The following CRISPLD2 variants were observed in gnomAD, a reference collection of about 807,000 sequenced individuals.
The protein encoded by CRISPLD2 is cysteine-rich secretory protein LCCL domain-containing 2.
A neutral mutation model predicts 71.1 loss-of-function variants in CRISPLD2; 47 were observed. That is an observed-to-expected ratio of 0.66 (90% CI 0.52 to 0.84). The LOEUF is 0.84. Ranked by LOEUF, CRISPLD2 falls within the 40% of genes least tolerant of loss-of-function variation. The probability of loss-of-function intolerance (pLI) is 0.00; values close to 1 mark genes in which losing one functional copy is unlikely to be tolerated. For synonymous variants in CRISPLD2, 317 were observed against 250.1 expected (o/e 1.27, Z -2.52); for missense variants, 830 against 651.1 (o/e 1.27, Z -2.99).
intron 14 of CRISPLD2, 27 bp downstream of exon 14, chr16:84,889,390 C>T (rs775193402): frequency 7.6e-6 from 12 of 1,587,480 alleles, no homozygotes; most frequent in Non-Finnish European, 2.6e-6. Context: ...CAACCCTTGA[C>T]ACCCAATCCC....
At chr16:84,842,957 A>G (rs1216750852) in intron 2 of CRISPLD2, among the ~76,000 whole-genome samples, 1 of 152,110 alleles carries the variant, frequency 6.6e-6, no homozygotes, top group Admixed American at 6.5e-5. Flanking sequence ...GGCTGGGTTC[A>G]TGCTGGTCTT....
At chr16:84,839,472 G>C (rs1371278320) in intron 2 of CRISPLD2, 1 of 161,616 alleles carries the variant, frequency 6.2e-6, no homozygotes, top group Non-Finnish European at 1.4e-5. Context: ...TGTGAGATAA[G>C]TCGAGGCTGT....
At position 84,850,483 on chromosome 16, in the gene CRISPLD2, C is replaced by T. The variant is rs1013203732; in HGVS notation, c.493-85C>T. On this transcript the variant is annotated intron_variant, in intron 4 of 14. Transcript: ENST00000262424. ...CCTTCACCTCGTACCTCTTTAGTGC[C>T]AGCACCTTATACATCCAGGCCAAAT... The T allele has an allele frequency of 1.1e-4, 114 of 1,070,226 alleles. 1 individual carries two copies. Among genetic ancestry groups the T allele is most frequent in the Middle Eastern group, 8.1e-4 (4 of 4,954 alleles). 66.3% of individuals were successfully genotyped at this position (1,070,226 alleles called of 1,614,324 possible). A position where few individuals can be genotyped will look rare whatever the true frequency, so the allele number is the denominator to read the frequency against.
intron 13 of CRISPLD2, among the ~76,000 whole-genome samples, chr16:84,884,732 G>C (rs528091231): frequency 2.8e-4 from 42 of 152,318 alleles, no homozygotes; most frequent in African/African-American, 8.9e-4. Context: ...CCATGGGTGT[G>C]AGCTTTTCGT....
chr16:84,838,887 C>T (rs375406200), intron 2 of CRISPLD2, 152 bp downstream of exon 2: 44 of 1,031,014 alleles, frequency 4.3e-5, no homozygotes, highest in South Asian at 3.1e-4. Context: ...CGGCTCTGTT[C>T]TGTTTTGTTT....
chr16:84,854,618 CT>C (rs1298083468), intron 5 of CRISPLD2, 110 bp from the exon 6 acceptor site: 24 of 774,534 alleles, frequency 3.1e-5, no homozygotes, highest in Middle Eastern at 3.2e-4. Flanking sequence ...ACCTTCCCCC[CT>C]GACCTGTCAG....
intron 14 of CRISPLD2, among the ~76,000 whole-genome samples, chr16:84,896,383 T>G (rs192980551): frequency 2.8e-4 from 43 of 151,990 alleles, no homozygotes; most frequent in African/African-American, 9.2e-4. Context: ...AGACTATATA[T>G]AGAGAGAGAC....
chr16:84,862,659 C>T (rs558967035), intron 6 of CRISPLD2, among the ~76,000 whole-genome samples: 39 of 141,716 alleles, frequency 2.8e-4, no homozygotes, highest in African/African-American at 9.3e-4. Flanking sequence ...TGACCATGCT[C>T]GTGTGGCCCA....
intron 14 of CRISPLD2, among the ~76,000 whole-genome samples, chr16:84,895,059 G>A (rs1481462796): frequency 6.6e-6 from 1 of 152,170 alleles, no homozygotes; most frequent in Non-Finnish European, 1.5e-5. Flanking sequence ...TAGCAGACAG[G>A]CAGGTTCCCC....
In CRISPLD2 at chr16:84,852,522, G is replaced by A. The variant is rs1194630027; in HGVS notation, c.608+1839G>A. Among the ~76,000 whole-genome samples, 3 of 152,330 alleles carry A rather than the reference G, an allele frequency of 2.0e-5. No homozygotes were observed. The East Asian group carries it at 5.8e-4, about 29-fold the overall frequency. Reference sequence around the variant, plus strand: ...TCCCCGTGGTGTTGCGTGATCACCGGTTCTTTCCTTTTGTCTGCTGCATAT... The same window carrying A: ...TCCCCGTGGTGTTGCGTGATCACCGATTCTTTCCTTTTGTCTGCTGCATAT... On this transcript the variant is annotated intron_variant, in intron 5 of 14. Coordinates refer to ENST00000262424, the MANE Select transcript of CRISPLD2 (RefSeq NM_031476.4).
At chr16:84,875,581 G>T (rs1034203858) in intron 11 of CRISPLD2, among the ~76,000 whole-genome samples, 18 of 151,056 alleles carry the variant, frequency 1.2e-4, no homozygotes, top group Admixed American at 1.1e-3. Flanking sequence ...TTTTGAGATG[G>T]AGTCTCTCTC....
chr16:84,848,600 C>G (rs1567686071), intron 3 of CRISPLD2, among the ~76,000 whole-genome samples: 1 of 152,068 alleles, frequency 6.6e-6, no homozygotes, highest in Admixed American at 6.5e-5. Flanking sequence ...ACCACCTCGC[C>G]CGGCTAATTT....
chr16:84,858,721 A>C (rs1007581840), intron 6 of CRISPLD2, among the ~76,000 whole-genome samples: 6 of 152,242 alleles, frequency 3.9e-5, no homozygotes, highest in Admixed American at 3.9e-4. Flanking sequence ...CCCTGAGCTT[A>C]GGACAATAAA....
intron 6 of CRISPLD2, among the ~76,000 whole-genome samples, chr16:84,864,520 G>A (rs894087975): frequency 3.9e-5 from 6 of 152,188 alleles, no homozygotes; most frequent in African/African-American, 1.4e-4. Flanking sequence ...GAACAGACAC[G>A]CGCCTGGGCA....
chr16:84,837,520 C>A (rs1398115523), intron 1 of CRISPLD2, among the ~76,000 whole-genome samples: 1 of 151,798 alleles, frequency 6.6e-6, no homozygotes, highest in Non-Finnish European at 1.5e-5. Context: ...GGGTTCACGC[C>A]ATTCTCCCGC....
chr16:84,838,852 G>A (rs1916697980), intron 2 of CRISPLD2, 117 bp downstream of exon 2: 8 of 1,305,508 alleles, frequency 6.1e-6, no homozygotes, highest in African/African-American at 1.5e-5. Context: ...GCTGGCTCAG[G>A]GTCTCCTCTG....
At position 84,838,576 on chromosome 16, in the gene CRISPLD2, C is replaced by G; in HGVS notation, c.81C>G (p.Asn27Lys). ...VCGSQGYLLP[N>K]VTLLEELLSK... The stretch of plus-strand genomic sequence containing the variant: ...GATCCCAAGGCTACCTCCTGCCCAA[C>G]GTCACTCTCTTAGAGGAGCTGCTCA... Residue 27 changes from asparagine to lysine, a missense_variant, in exon 2 of 15, where the codon AAC becomes AAG. By Grantham distance (94) the Asn-to-Lys change is moderately conservative. Transcript: ENST00000262424. The G allele has an allele frequency of 6.2e-7, 1 of 1,614,238 alleles. No individual in the cohort carries two copies. The highest frequency in any genetic ancestry group is 1.1e-5 in the South Asian group (1 of 91,090).
At chr16:84,854,896 A>T in intron 6 of CRISPLD2, 67 bp downstream of exon 6, 1 of 1,230,298 alleles carries the variant, frequency 8.1e-7, no homozygotes. Context: ...CGACAGCGTT[A>T]CATGAAACAG....
At chr16:84,830,390 G>A (rs900165169) in intron 1 of CRISPLD2, among the ~76,000 whole-genome samples, 7 of 152,054 alleles carry the variant, frequency 4.6e-5, no homozygotes, top group Admixed American at 1.3e-4. Context: ...AGCATTAAAC[G>A]TTAGATTATA....
Sources: gnomAD v4.1 joint callset for allele counts (sites outside exome capture counted in the v4.1 genomes callset) on GRCh38, gnomAD v4.1.1 for gene constraint, MANE v1.5 for transcripts, NCBI Gene and HGNC (gene_info 2026-07-23, HGNC 2026-07-21) for gene names.